AMPH: variants seen among roughly 807,000 people sequenced by gnomAD.
The protein encoded by AMPH is amphiphysin (Stiff-Mann syndrome with breast cancer 128kD autoantigen).
In AMPH, 49 loss-of-function variants were observed where a neutral mutation model predicts 99.1. The ratio of observed to expected loss-of-function variants is 0.49; its 90% CI spans 0.39 to 0.63. The LOEUF (loss-of-function observed/expected upper bound fraction) is 0.63, where lower values mean the gene tolerates loss of function less well. Ranked by LOEUF, AMPH falls within the 20% of genes least tolerant of loss-of-function variation. AMPH has a pLI of 0.00. For synonymous variants in AMPH, 314 were observed against 317.3 expected (o/e 0.99, Z 0.11); for missense variants, 759 against 863.4 (o/e 0.88, Z 1.52).
intron 17 of AMPH, among the ~76,000 whole-genome samples, chr7:38,399,046 A>G (rs912974567): frequency 2.6e-5 from 4 of 152,224 alleles, no homozygotes; most frequent in Admixed American, 2.6e-4. Flanking sequence ...TAAGAATGAT[A>G]AATAAATATC....
At chr7:38,387,515 A>C (rs192097376) in intron 20 of AMPH, among the ~76,000 whole-genome samples, 1 of 152,274 alleles carries the variant, frequency 6.6e-6, no homozygotes, top group African/African-American at 2.4e-5. Context: ...GGATAAATTT[A>C]ACTACGAACT....
Position 38,422,336 on chromosome 7 carries a change from A to G in AMPH, c.1272+85T>C, listed in dbSNP as rs910823512. The G allele has an allele frequency of 7.9e-6, 9 of 1,142,748 alleles. No individual in the cohort carries two copies. The African/African-American group carries it at 7.9e-5, about 10-fold the overall frequency. 70.8% of individuals were successfully genotyped at this position (1,142,748 alleles called of 1,614,324 possible). A position where few individuals can be genotyped will look rare whatever the true frequency, so the allele number is the denominator to read the frequency against. On this transcript the variant is annotated intron_variant, in intron 16 of 20. Transcript: ENST00000356264. The stretch of plus-strand genomic sequence containing the variant: ...CAGAAACCACATTCTGGATATTCAA[A>G]CTCTAGACAGCCTAGAATGATCAGC...
In AMPH at chr7:38,577,186, CA is replaced by C. The variant is rs536111171; in HGVS notation, c.70-42176del. On this transcript the variant is annotated intron_variant, in intron 1 of 20. Transcript: ENST00000356264. ...TAAAAACTGCTGAACAAATGACATC[CA>C]AAAACTAATTTGGAAAATCAAAATA... Among the ~76,000 whole-genome samples the C allele has an allele frequency of 3.8e-3, 582 of 152,208 alleles. 5 individuals are homozygous for C. Among genetic ancestry groups the C allele is most frequent in the African/African-American group, 0.013 (551 of 41,508 alleles).
chr7:38,504,264 T>C (rs1789248760), intron 2 of AMPH, among the ~76,000 whole-genome samples: 1 of 152,238 alleles, frequency 6.6e-6, no homozygotes, highest in Non-Finnish European at 1.5e-5. Context: ...TTTAAGGATG[T>C]AGCCACTAGA....
intron 11 of AMPH, among the ~76,000 whole-genome samples, chr7:38,458,035 C>T (rs546251806): frequency 4.6e-5 from 7 of 152,150 alleles, no homozygotes; most frequent in Admixed American, 2.0e-4. Flanking sequence ...ATTCCTCTTC[C>T]TCATTTGTGT....
At chr7:38,554,369 G>A (rs190614079) in intron 1 of AMPH, among the ~76,000 whole-genome samples, 39 of 152,176 alleles carry the variant, frequency 2.6e-4, no homozygotes, top group African/African-American at 7.0e-4. Flanking sequence ...GTAAATGAGC[G>A]TTTTTGTGAA....
intron 17 of AMPH, among the ~76,000 whole-genome samples, chr7:38,409,983 T>A (rs73118148): frequency 0.02 from 3,039 of 152,348 alleles, 41 homozygotes; most frequent in Non-Finnish European, 0.029. Context: ...TATTGTTCTC[T>A]CTCAGAGATG....
At chr7:38,391,436 TGAG>T (rs1391925485) in intron 19 of AMPH, among the ~76,000 whole-genome samples, 3 of 152,208 alleles carry the variant, frequency 2.0e-5, no homozygotes, top group Non-Finnish European at 4.4e-5. Context: ...AGGCCTGGTC[TGAG>T]CCAGGCTCCA....
intron 2 of AMPH, among the ~76,000 whole-genome samples, chr7:38,529,225 C>G (rs948646173): frequency 6.6e-6 from 1 of 152,198 alleles, no homozygotes; most frequent in Non-Finnish European, 1.5e-5. Flanking sequence ...CAGAACATGA[C>G]CACCAAATCT....
At chr7:38,560,216 T>G (rs748230304) in intron 1 of AMPH, among the ~76,000 whole-genome samples, 7 of 152,198 alleles carry the variant, frequency 4.6e-5, no homozygotes, top group African/African-American at 2.4e-5. Flanking sequence ...TCCCTACTCA[T>G]GATTATACTT....
At chr7:38,537,150 G>T (rs1790638092) in intron 1 of AMPH, among the ~76,000 whole-genome samples, 1 of 151,984 alleles carries the variant, frequency 6.6e-6, no homozygotes, top group Non-Finnish European at 1.5e-5. Flanking sequence ...TTAGTAGCTG[G>T]TTAAAAACTC....
intron 10 of AMPH, among the ~76,000 whole-genome samples, chr7:38,462,074 C>T (rs1787470932): frequency 6.6e-6 from 1 of 152,068 alleles, no homozygotes; most frequent in South Asian, 2.1e-4. Context: ...CCCAGTTAGC[C>T]CTGTGATCAC....
At position 38,385,018 on chromosome 7, in the gene AMPH, TG is replaced by T; in HGVS notation, c.1981-94del. On this transcript the variant is annotated intron_variant, in intron 20 of 20. Transcript: ENST00000356264. ...TTAATAATGTGTTACATTAGTGTTG[TG>T]GTTCTGAACCAGGATGTCACATTAC... is the stretch of plus-strand genomic sequence containing the variant. 4 of 1,181,872 alleles carry T rather than the reference TG, an allele frequency of 3.4e-6. No individual in the cohort carries two copies. The South Asian group carries it at 5.2e-5, about 15-fold the overall frequency. The allele number at this position is 1,181,872 out of a possible 1,614,324, so 73.2% of individuals were successfully genotyped here.
chr7:38,532,194 C>A (rs1283819654), intron 2 of AMPH, among the ~76,000 whole-genome samples: 2 of 152,054 alleles, frequency 1.3e-5, no homozygotes, highest in Non-Finnish European at 2.9e-5. Flanking sequence ...ATCCTCCTTC[C>A]CTTTCTCCTT....
intron 1 of AMPH, among the ~76,000 whole-genome samples, chr7:38,552,353 T>C (rs934322022): frequency 1.3e-5 from 2 of 152,238 alleles, no homozygotes; most frequent in African/African-American, 4.8e-5. Flanking sequence ...ACAGATCATT[T>C]GGATGAGCAC....
At chr7:38,393,490 C>T (rs1044711902) in intron 18 of AMPH, among the ~76,000 whole-genome samples, 1 of 152,204 alleles carries the variant, frequency 6.6e-6, no homozygotes, top group Non-Finnish European at 1.5e-5. Flanking sequence ...GCCTCATGCA[C>T]GGACCTAATG....
intron 1 of AMPH, among the ~76,000 whole-genome samples, chr7:38,545,390 A>G (rs973643341): frequency 6.6e-6 from 1 of 151,892 alleles, no homozygotes; most frequent in Non-Finnish European, 1.5e-5. Context: ...TATTTTCAAG[A>G]CTTAAAGCTA....
intron 19 of AMPH, among the ~76,000 whole-genome samples, chr7:38,391,257 T>G (rs1784485047): frequency 1.3e-5 from 2 of 152,204 alleles, no homozygotes; most frequent in Non-Finnish European, 2.9e-5. Context: ...GCCGCCTTTT[T>G]TTTCTGCCTT....
chr7:38,542,979 A>T (rs1255480977), intron 1 of AMPH, among the ~76,000 whole-genome samples: 1 of 152,076 alleles, frequency 6.6e-6, no homozygotes, highest in Non-Finnish European at 1.5e-5. Flanking sequence ...CTATAGTCCC[A>T]GCTACTTGGG....
Sources: allele counts gnomAD v4.1 joint callset (sites outside exome capture counted in the v4.1 genomes callset), GRCh38; gene constraint gnomAD v4.1.1; transcripts MANE v1.5; gene names NCBI Gene and HGNC (gene_info 2026-07-23, HGNC 2026-07-21).